The following GRM8 variants were observed in gnomAD, a reference collection of about 807,000 sequenced individuals.
GRM8 encodes the protein glutamate metabotropic receptor 8.
In GRM8, 47 loss-of-function variants were observed where a neutral mutation model predicts 87.2. The observed-to-expected ratio is 0.54, with a 90% CI of 0.43 to 0.69. GRM8 has a LOEUF of 0.69. GRM8 is among the 30% of genes least tolerant of loss of function. The pLI is 0.00. For missense variants in GRM8, 1,019 were observed against 1,139.2 expected (o/e 0.89, Z 1.52); for synonymous variants, 396 against 404.5 (o/e 0.98, Z 0.25).
intron 7 of GRM8, among the ~76,000 whole-genome samples, chr7:126,722,250 T>C (rs1812469534): frequency 6.6e-6 from 1 of 152,202 alleles, no homozygotes; most frequent in Non-Finnish European, 1.5e-5. Context: ...TCCTCTTATA[T>C]TTATTTTAAT....
intron 7 of GRM8, among the ~76,000 whole-genome samples, chr7:126,664,884 C>T (rs1368162977): frequency 6.6e-6 from 1 of 152,096 alleles, no homozygotes; most frequent in Non-Finnish European, 1.5e-5. Flanking sequence ...GTTCTAATAT[C>T]CAGAATCTAT....
chr7:126,857,771 G>A (rs1317828338), intron 6 of GRM8, among the ~76,000 whole-genome samples: 1 of 152,086 alleles, frequency 6.6e-6, no homozygotes, highest in East Asian at 1.9e-4. Context: ...ATGTTTACTA[G>A]GTACCTAAAA....
Position 126,533,847 on chromosome 7 carries a change from G to A in GRM8, c.1535C>T (p.Pro512Leu), listed in dbSNP as rs553191027. The change falls in exon 9 of 11, where the codon CCG becomes CTG. Residue 512 changes from proline (P) to leucine (L), a missense_variant. Transcript: ENST00000339582. ...ACACGGCAGGCTGCAGACAGACGCC[G>A]GGTGAGTATGTTCTCTATGAGCCCA... ...MQWAHREHTHPASVCSLPCKP... is the reference protein window; with the variant it reads ...MQWAHREHTHLASVCSLPCKP... The A allele has an allele frequency of 1.5e-5, 25 of 1,613,948 alleles. No homozygotes were observed. The highest frequency in any genetic ancestry group is 1.4e-4 in the South Asian group (13 of 91,076).
chr7:127,179,744 A>G (rs1054233318), intron 2 of GRM8, among the ~76,000 whole-genome samples: 6 of 152,166 alleles, frequency 3.9e-5, no homozygotes, highest in African/African-American at 1.4e-4. Context: ...CTGTTCCTGA[A>G]TGAGCATTGG....
intron 7 of GRM8, among the ~76,000 whole-genome samples, chr7:126,682,401 T>A (rs1163873726): frequency 6.6e-6 from 1 of 152,188 alleles, no homozygotes; most frequent in African/African-American, 2.4e-5. Context: ...TCTCATGAGA[T>A]CATAAGGGAG....
intron 6 of GRM8, among the ~76,000 whole-genome samples, chr7:126,839,904 G>A (rs1431378830): frequency 6.6e-6 from 1 of 152,178 alleles, no homozygotes; most frequent in Non-Finnish European, 1.5e-5. Flanking sequence ...TCCCTTTGCT[G>A]AATGTACATA....
At chr7:127,048,164 G>C (rs1191632592) in intron 3 of GRM8, among the ~76,000 whole-genome samples, 2 of 152,206 alleles carry the variant, frequency 1.3e-5, no homozygotes, top group East Asian at 1.9e-4. Flanking sequence ...GCGGGAAGGG[G>C]AGGGGAAAGA....
intron 3 of GRM8, among the ~76,000 whole-genome samples, chr7:126,968,837 T>C (rs1810124863): frequency 6.6e-6 from 1 of 152,146 alleles, no homozygotes; most frequent in African/African-American, 2.4e-5. Flanking sequence ...AGGGAAACTG[T>C]TAAGTGTATA....
Position 126,495,158 on chromosome 7 carries a change from A to C in GRM8, c.2430+37794T>G, listed in dbSNP as rs772246699. Among the ~76,000 whole-genome samples, 24 of 152,138 alleles carry C rather than the reference A, an allele frequency of 1.6e-4. 1 individual carries two copies. Among genetic ancestry groups the C allele is most frequent in the Non-Finnish European group, 2.6e-4 (18 of 67,942 alleles). On this transcript the variant is annotated intron_variant, in intron 9 of 10. Transcript: ENST00000339582. ...TCCAAGGCTAAGAGGTCAGGAAAAA[A>C]ATAAGAATATGACAGTCCCATGGCA... is the stretch of plus-strand genomic sequence containing the variant.
At chr7:126,792,350 G>C (rs2151678523) in intron 6 of GRM8, among the ~76,000 whole-genome samples, 1 of 152,266 alleles carries the variant, frequency 6.6e-6, no homozygotes, top group Middle Eastern at 3.4e-3. Context: ...CTCTGTACTA[G>C]CAACAGCAGC....
chr7:126,931,750 C>T lies in GRM8; in HGVS notation c.728-27067G>A, dbSNP rs150413109. Among the ~76,000 whole-genome samples, 11 of 152,294 alleles carry T rather than the reference C, an allele frequency of 7.2e-5. No individual in the cohort carries two copies. The East Asian group carries it at 2.1e-3, about 29-fold the overall frequency. On this transcript the variant is annotated intron_variant, in intron 3 of 10. Transcript: ENST00000339582. ...GCAACAATGTGAGTTACTAATGAGT[C>T]CACTGCTTCCTCAATCTCACACAAC... is the stretch of plus-strand genomic sequence containing the variant.
intron 2 of GRM8, among the ~76,000 whole-genome samples, chr7:127,176,262 T>C (rs1175614520): frequency 6.6e-6 from 1 of 152,128 alleles, no homozygotes; most frequent in African/African-American, 2.4e-5. Flanking sequence ...AGGAAAATAC[T>C]GGAACAAAAA....
rs1808124331 is a variant in GRM8 at position 126,685,844 on chromosome 7, C to T, written c.1358-76346G>A. Among the ~76,000 whole-genome samples the T allele has an allele frequency of 6.6e-6, 1 of 151,988 alleles. No individual in the cohort carries two copies. The highest frequency in any genetic ancestry group is 2.1e-4 in the South Asian group (1 of 4,820). On this transcript the variant is annotated intron_variant, in intron 7 of 10. Coordinates refer to ENST00000339582, the MANE Select transcript of GRM8 (RefSeq NM_000845.3). The surrounding 1 kb of genome is among the most constrained non-coding windows in gnomAD (Gnocchi z 4.2). ...GGGAAGGTCCTCAGTGATGCCCTAC[C>T]TTCAAGCTGAGGAGGGCCTGAACCC...
At chr7:126,549,006 T>C (rs1205101606) in intron 8 of GRM8, among the ~76,000 whole-genome samples, 1 of 152,142 alleles carries the variant, frequency 6.6e-6, no homozygotes, top group Non-Finnish European at 1.5e-5. Context: ...AAAAGTGAAA[T>C]GTCAAATTTA....
At chr7:127,104,902 G>A (rs940923153) in intron 3 of GRM8, among the ~76,000 whole-genome samples, 1 of 152,126 alleles carries the variant, frequency 6.6e-6, no homozygotes, top group Admixed American at 6.5e-5. Flanking sequence ...CCATTTTGTT[G>A]GATTCTGCAA....
chr7:127,146,607 T>C (rs1280579727), intron 2 of GRM8, among the ~76,000 whole-genome samples: 1 of 152,040 alleles, frequency 6.6e-6, no homozygotes, highest in Non-Finnish European at 1.5e-5. Context: ...AACCAGGACA[T>C]ATGGTCTTGA....
chr7:126,659,046 G>A (rs1198422303), intron 7 of GRM8, among the ~76,000 whole-genome samples: 3 of 102,726 alleles, frequency 2.9e-5, no homozygotes, highest in African/African-American at 1.2e-4. Context: ...CCCCCGCCCC[G>A]CCCCCAGGTT....
chr7:126,992,468 T>C (rs1812752994), intron 3 of GRM8, among the ~76,000 whole-genome samples: 1 of 152,052 alleles, frequency 6.6e-6, no homozygotes. Flanking sequence ...ATATTAACAA[T>C]AGGCAATTGG....
At chr7:126,989,828 G>A (rs1427535120) in intron 3 of GRM8, among the ~76,000 whole-genome samples, 2 of 152,068 alleles carry the variant, frequency 1.3e-5, no homozygotes, top group Non-Finnish European at 2.9e-5. Flanking sequence ...CAGGCATGGT[G>A]GTGCGTGCCT....
Sources: allele counts gnomAD v4.1 joint callset (sites outside exome capture counted in the v4.1 genomes callset), GRCh38; gene constraint gnomAD v4.1.1; non-coding constraint Gnocchi (gnomAD v3.1); transcripts MANE v1.5; gene names NCBI Gene and HGNC (gene_info 2026-07-23, HGNC 2026-07-21).